AXDND1: variants seen among roughly 807,000 people sequenced by gnomAD.
AXDND1 encodes axonemal dynein light chain domain-containing protein 1.
In AXDND1, 110 loss-of-function variants were observed where a neutral mutation model predicts 137.5. The observed-to-expected ratio is 0.80, with a 90% CI of 0.69 to 0.94. The LOEUF (loss-of-function observed/expected upper bound fraction) is 0.94. AXDND1 is among the 40% of genes least tolerant of loss of function. AXDND1 has a pLI of 0.00. For synonymous variants in AXDND1, 414 were observed against 399.7 expected, an observed-to-expected ratio of 1.04 and a Z score of -0.43; for missense variants, 1,191 against 1,169.8, an observed-to-expected ratio of 1.02 and a Z score of -0.26.
chr1:179,447,393 TA>T (rs1164554315), intron 16 of AXDND1, among the ~76,000 whole-genome samples: 1 of 152,244 alleles, frequency 6.6e-6, no homozygotes, highest in Non-Finnish European at 1.5e-5. Flanking sequence ...GCTTTAATTT[TA>T]AATAACCATT....
intron 20 of AXDND1, among the ~76,000 whole-genome samples, chr1:179,504,562 C>CT (rs569404795): frequency 6.6e-4 from 100 of 152,276 alleles, no homozygotes; most frequent in Admixed American, 2.0e-3. Flanking sequence ...ATGGAGGACA[C>CT]TATCATGAGG....
Position 179,406,207 on chromosome 1 carries a change from T to G in AXDND1, c.1110-4939T>G, listed in dbSNP as rs372748190. On this transcript the variant is annotated intron_variant, in intron 11 of 25. Coordinates refer to ENST00000367618, the MANE Select transcript of AXDND1 (RefSeq NM_144696.6). ...ATTAATTTCTAGTTTTACTTCATTG[T>G]GGTCCAAGAAGATACTTGATATGTT... 1.6e-4 allele frequency among the ~76,000 whole-genome samples: 24 copies of G among 152,322 alleles called. No homozygotes were observed. In the South Asian group the frequency reaches 5.0e-3, roughly 32 times the overall value.
chr1:179,391,269 G>C (rs2125126919), intron 9 of AXDND1, among the ~76,000 whole-genome samples: 1 of 150,904 alleles, frequency 6.6e-6, no homozygotes, highest in Middle Eastern at 3.4e-3. Flanking sequence ...TATTTCAATA[G>C]TTTTTGGAGA....
intron 15 of AXDND1, among the ~76,000 whole-genome samples, chr1:179,439,637 CAG>C (rs961375071): frequency 3.9e-5 from 6 of 152,314 alleles, no homozygotes; most frequent in African/African-American, 1.2e-4. Context: ...AATATGGAAT[CAG>C]GGGTTTTTGC....
chr1:179,492,077 C>T (rs4652403), intron 19 of AXDND1, among the ~76,000 whole-genome samples: 83,505 of 151,838 alleles, frequency 0.55, 23,248 homozygotes, highest in East Asian at 0.76. Flanking sequence ...TCTTGTGTAC[C>T]GTCATGTATT....
In AXDND1 at chr1:179,552,605, G is replaced by A. The variant is rs74315348; in HGVS notation, c.3032-1907G>A. The A allele has an allele frequency of 8.1e-6, 13 of 1,612,918 alleles. No homozygotes were observed. In the East Asian group the frequency reaches 1.6e-4, roughly 19 times the overall value. On this transcript the variant is annotated intron_variant, in intron 25 of 25. Coordinates refer to ENST00000367618, the MANE Select transcript of AXDND1 (RefSeq NM_144696.6). ...GGGTGGGAGGATGGAGTGCTCACCC[G>A]CACTTTGGCTTGTCTTTGCGCTTCA...
chr1:179,552,051 C>G (rs543043984), intron 25 of AXDND1: 15 of 168,562 alleles, frequency 8.9e-5, no homozygotes, highest in Admixed American at 7.8e-4. Flanking sequence ...TCCCTTCATT[C>G]TTCACTTTCC....
chr1:179,439,664 C>A (rs1369916001), intron 15 of AXDND1, among the ~76,000 whole-genome samples: 1 of 152,188 alleles, frequency 6.6e-6, no homozygotes, highest in Non-Finnish European at 1.5e-5. Context: ...CCCTGATGCT[C>A]CAGTAGTTTC....
chr1:179,412,650 TAGAGGCATTTCCATTCAAG>T lies in AXDND1; in HGVS notation c.1230+1390_1230+1408del, dbSNP rs536631971. ...ATCTAGATCATTACTGGGGACATGC[TAGAGGCATTTCCATTCAAG>T]AGAGGAGAAAGGATTTCTGCTATCA... On this transcript the variant is annotated intron_variant, in intron 12 of 25. Transcript: ENST00000367618. Among the ~76,000 whole-genome samples the T allele has an allele frequency of 3.3e-3, 498 of 152,304 alleles. 3 individuals are homozygous for T. The highest frequency in any genetic ancestry group is 0.011 in the African/African-American group (467 of 41,560).
chr1:179,385,231 C>T lies in AXDND1; in HGVS notation c.742-7C>T. On this transcript the variant is annotated splice_region_variant and splice_polypyrimidine_tract_variant and intron_variant, in intron 8 of 25. Coordinates refer to ENST00000367618, the MANE Select transcript of AXDND1 (RefSeq NM_144696.6). ...AAGTACTGATTATGTTACTTACCTT[C>T]TGACAGATGCACAAACTACTACATA... 1 of 1,606,510 alleles carries T rather than the reference C, an allele frequency of 6.2e-7. No homozygotes were observed. The highest frequency in any genetic ancestry group is 8.5e-7 in the Non-Finnish European group (1 of 1,173,322).
chr1:179,403,930 G>A (rs1652516717), intron 11 of AXDND1, among the ~76,000 whole-genome samples: 1 of 152,104 alleles, frequency 6.6e-6, no homozygotes, highest in South Asian at 2.1e-4. Flanking sequence ...GCAGAAGGTG[G>A]CTACAAAAGT....
Position 179,394,020 on chromosome 1 carries a change from G to A in AXDND1, c.981G>A (p.Lys327=). The A allele has an allele frequency of 1.2e-6, 2 of 1,606,222 alleles. No homozygotes were observed. Among genetic ancestry groups the A allele is most frequent in the Non-Finnish European group, 1.7e-6 (2 of 1,177,304 alleles). Residue 327 remains lysine, a synonymous_variant, in exon 10 of 26, where the codon AAG becomes AAA. Coordinates refer to ENST00000367618, the MANE Select transcript of AXDND1 (RefSeq NM_144696.6). ...QRILEELYNF[K]HVIEELTREL... Reference sequence around the variant, plus strand: ...TTTTAGAAGAATTGTATAATTTCAAGCATGTTATTGAAGAACTGACCAGGT... The same window carrying A: ...TTTTAGAAGAATTGTATAATTTCAAACATGTTATTGAAGAACTGACCAGGT...
chr1:179,370,120 T>C (rs919010640), intron 4 of AXDND1, 42 bp downstream of exon 4: 1 of 1,486,680 alleles, frequency 6.7e-7, no homozygotes, highest in African/African-American at 1.4e-5. Context: ...ATAAATAGAG[T>C]TGTTTTCTCA....
chr1:179,433,667 A>T (rs909290540), intron 15 of AXDND1, among the ~76,000 whole-genome samples: 1 of 152,074 alleles, frequency 6.6e-6, no homozygotes, highest in South Asian at 2.1e-4. Context: ...ATGCAGTTGT[A>T]TGGTTTTGAG....
At chr1:179,383,591 A>G in intron 8 of AXDND1, 47 bp downstream of exon 8, 1 of 1,438,492 alleles carries the variant, frequency 7.0e-7, no homozygotes, top group Middle Eastern at 1.7e-4. Context: ...GCATGCACTC[A>G]GGAGGCAGAT....
At chr1:179,536,794 A>G (rs990611860) in intron 25 of AXDND1, among the ~76,000 whole-genome samples, 2 of 152,130 alleles carry the variant, frequency 1.3e-5, no homozygotes, top group Non-Finnish European at 2.9e-5. Flanking sequence ...TCTACAAATT[A>G]CCTTGGGCAG....
chr1:179,525,556 G>T (rs546040367), intron 22 of AXDND1, 109 bp downstream of exon 22: 840 of 1,297,866 alleles, frequency 6.5e-4, no homozygotes, highest in Non-Finnish European at 8.0e-4. Flanking sequence ...GAGTGCTGTG[G>T]TATCATCATA....
intron 12 of AXDND1, among the ~76,000 whole-genome samples, chr1:179,417,390 G>A (rs551453779): frequency 1.5e-4 from 23 of 152,144 alleles, no homozygotes; most frequent in Non-Finnish European, 2.6e-4. Context: ...GGTTGCCTGT[G>A]CTTTTGAGGT....
chr1:179,422,290 T>C (rs1232813379), intron 12 of AXDND1, among the ~76,000 whole-genome samples: 1 of 152,204 alleles, frequency 6.6e-6, no homozygotes, highest in Non-Finnish European at 1.5e-5. Context: ...TATCTGTTCA[T>C]ACTGCTTTTA....
Sources: gnomAD v4.1 joint callset for allele counts (sites outside exome capture counted in the v4.1 genomes callset) on GRCh38, gnomAD v4.1.1 for gene constraint, MANE v1.5 for transcripts, NCBI Gene and HGNC (gene_info 2026-07-23, HGNC 2026-07-21) for gene names.